Variants in TACC1 observed in about 807,000 individuals in gnomAD.
TACC1 encodes the protein transforming acidic coiled-coil-containing protein 1.
TACC1 carries 48 observed loss-of-function variants against 84.4 expected under a neutral mutation model. That is an observed-to-expected ratio of 0.57 (90% CI 0.45 to 0.72). The LOEUF is 0.72. TACC1 is among the 30% of genes least tolerant of loss of function. The pLI is 0.00. For synonymous variants in TACC1, 372 were observed against 376.3 expected, an observed-to-expected ratio of 0.99 and a Z score of 0.13; for missense variants, 920 against 973.0, an observed-to-expected ratio of 0.95 and a Z score of 0.72.
intron 1 of TACC1, among the ~76,000 whole-genome samples, 159 bp downstream of exon 1, chr8:38,787,902 C>A (rs998747888): frequency 6.6e-6 from 1 of 152,236 alleles, no homozygotes. Context: ...TCCGAAAGTT[C>A]AGGATCTTCT....
chr8:38,787,654 CG>C lies in TACC1; in HGVS notation c.76del (p.Ala26ProfsTer26). 6.5e-7 allele frequency: 1 copy of C among 1,548,526 alleles called. No homozygotes were observed. Among genetic ancestry groups the C allele is most frequent in the Non-Finnish European group, 8.7e-7 (1 of 1,148,118 alleles). On this transcript the variant is annotated frameshift_variant, in exon 1 of 13. Transcript: ENST00000317827. LOFTEE classifies it high-confidence loss of function. The stretch of plus-strand genomic sequence containing the variant: ...AATGGACGTGGTCTGCGGTACGCGG[CG>C]GGGCCGCCGGCGAGGACGAGGCTGG... ...AKWTWSAVRG[G>X]AAGEDEAGGP...
chr8:38,763,821 C>T (rs1265208873), intron 3 of TACC1, among the ~76,000 whole-genome samples: 5 of 152,074 alleles, frequency 3.3e-5, no homozygotes, highest in Non-Finnish European at 5.9e-5. Flanking sequence ...TTTTTTTCTA[C>T]ATGTTTGATA....
intron 1 of TACC1, 60 bp downstream of exon 1, chr8:38,787,803 C>T: frequency 3.5e-6 from 5 of 1,416,078 alleles, no homozygotes; most frequent in Non-Finnish European, 4.7e-6. Context: ...ATCTGCGACT[C>T]CCTCTGTGTG....
chr8:38,742,506 T>G, intron 2 of TACC1: 1 of 1,318,234 alleles, frequency 7.6e-7, no homozygotes, highest in Non-Finnish European at 1.0e-6. Flanking sequence ...AAGTAAAAAT[T>G]TTTATTTCCT....
chr8:38,762,804 G>A (rs1323268053), intron 3 of TACC1, among the ~76,000 whole-genome samples: 1 of 152,058 alleles, frequency 6.6e-6, no homozygotes, highest in Non-Finnish European at 1.5e-5. Flanking sequence ...TGATCCACCC[G>A]CCTCGGCCTC....
chr8:38,793,569 AC>A (rs1411034066), intron 2 of TACC1, among the ~76,000 whole-genome samples: 21 of 151,988 alleles, frequency 1.4e-4, no homozygotes, highest in African/African-American at 2.4e-4. Flanking sequence ...TTAAAAAAAA[AC>A]AAAACAAAAT....
intron 3 of TACC1, among the ~76,000 whole-genome samples, chr8:38,751,494 A>G (rs569632034): frequency 1.5e-4 from 23 of 152,258 alleles, no homozygotes; most frequent in African/African-American, 5.3e-4. Flanking sequence ...ATTGCATTTC[A>G]CTTTATTGCA....
chr8:38,835,748 T>C (rs1008566494), intron 6 of TACC1, among the ~76,000 whole-genome samples: 2 of 152,268 alleles, frequency 1.3e-5, no homozygotes, highest in African/African-American at 4.8e-5. Context: ...AGCATCAATA[T>C]GTAACAGGAG....
chr8:38,761,521 A>G (rs1004929561), intron 3 of TACC1, among the ~76,000 whole-genome samples: 53 of 152,250 alleles, frequency 3.5e-4, no homozygotes, highest in Admixed American at 2.4e-3. Context: ...AGCAACAGCT[A>G]GGGTGAAGTG....
At chr8:38,774,219 G>T (rs1287891153) in intron 3 of TACC1, among the ~76,000 whole-genome samples, 2 of 152,138 alleles carry the variant, frequency 1.3e-5, no homozygotes, top group African/African-American at 2.4e-5. Context: ...CATCTCCACC[G>T]ATGCCGTCCA....
At chr8:38,798,139 TTAGAGACAGGG>T (rs1314541001) in intron 2 of TACC1, among the ~76,000 whole-genome samples, 1 of 151,770 alleles carries the variant, frequency 6.6e-6, no homozygotes, top group Non-Finnish European at 1.5e-5. Flanking sequence ...TTTTTTTTTT[TTAGAGACAGGG>T]TCTTGCTGTG....
intron 2 of TACC1, among the ~76,000 whole-genome samples, chr8:38,804,514 T>C (rs1822191701): frequency 6.6e-6 from 1 of 152,200 alleles, no homozygotes; most frequent in Non-Finnish European, 1.5e-5. Context: ...TTGGCCAGCC[T>C]GGTCTCAAAC....
chr8:38,827,046 C>T (rs1828234246), intron 4 of TACC1, 122 bp from the exon 5 acceptor site: 1 of 767,286 alleles, frequency 1.3e-6, no homozygotes, highest in Non-Finnish European at 2.1e-6. Flanking sequence ...GTACCCAGGT[C>T]TGTGGTTAAC....
chr8:38,801,521 G>A (rs1176211581), intron 2 of TACC1, among the ~76,000 whole-genome samples: 2 of 152,152 alleles, frequency 1.3e-5, no homozygotes, highest in Non-Finnish European at 2.9e-5. Context: ...AAATCAGTTG[G>A]CCATAGGTAC....
rs1833062734 is a variant in TACC1, at chr8:38,851,364, CAG to C, written c.*3342_*3343del. The C allele has an allele frequency of 6.6e-6, 1 of 152,638 alleles. No homozygotes were observed. The highest frequency in any genetic ancestry group is 2.4e-5 in the African/African-American group (1 of 41,446). The allele number at this position is 152,638 out of a possible 1,614,324, so 9.5% of individuals were successfully genotyped here. A position where few individuals can be genotyped will look rare whatever the true frequency, so the allele number is the denominator to read the frequency against. ...GCCCTGAATTCACTCTAATTATAAA[CAG>C]GGAGTGTAAACTGCCCCCAGATGTT... On this transcript the variant is annotated 3_prime_UTR_variant, in exon 13 of 13. Coordinates refer to ENST00000317827, the MANE Select transcript of TACC1 (RefSeq NM_006283.3).
At chr8:38,827,130 C>G (rs754556430) in intron 4 of TACC1, 38 bp from the exon 5 acceptor site, 1 of 1,586,720 alleles carries the variant, frequency 6.3e-7, no homozygotes, top group Non-Finnish European at 8.6e-7. Flanking sequence ...ATTGCTTGCC[C>G]TCCTAAAGGG....
At position 38,793,309 on chromosome 8, in the gene TACC1, G is replaced by C. The variant is rs528248573; in HGVS notation, c.277+4490G>C. ...TTGTTGACACAATTTTGGTAGTCTC[G>C]ATCAGAATCAGCAAACTGTGACTCA... On this transcript the variant is annotated intron_variant, in intron 2 of 12. Coordinates refer to ENST00000317827, the MANE Select transcript of TACC1 (RefSeq NM_006283.3). Among the ~76,000 whole-genome samples the C allele has an allele frequency of 5.3e-5, 8 of 152,148 alleles. 1 individual carries two copies. The highest frequency in any genetic ancestry group is 5.2e-4 in the Admixed American group (8 of 15,282).
intron 2 of TACC1, among the ~76,000 whole-genome samples, chr8:38,816,975 G>A (rs997199729): frequency 2.0e-5 from 3 of 152,118 alleles, no homozygotes; most frequent in African/African-American, 7.2e-5. Flanking sequence ...CAGCTGTCAA[G>A]GGACCCCCAG....
chr8:38,730,540 G>A (rs9298639), intron 1 of TACC1, among the ~76,000 whole-genome samples: 3,674 of 152,326 alleles, frequency 0.024, 129 homozygotes, highest in African/African-American at 0.083. Flanking sequence ...GCCCTATAAG[G>A]TAGCTTTTGG....
Sources: gnomAD v4.1 joint callset for allele counts (sites outside exome capture counted in the v4.1 genomes callset) on GRCh38, gnomAD v4.1.1 for gene constraint, MANE v1.5 for transcripts, NCBI Gene and HGNC (gene_info 2026-07-23, HGNC 2026-07-21) for gene names.